Variants in GSE1 observed in about 807,000 individuals in gnomAD.
GSE1 encodes the protein genetic suppressor element 1.
A neutral mutation model predicts 112.6 loss-of-function variants in GSE1; 32 were observed. The observed-to-expected ratio is 0.28, with a 90% CI of 0.21 to 0.38. The LOEUF (loss-of-function observed/expected upper bound fraction) is 0.38. GSE1 is among the 10% of genes least tolerant of loss of function. GSE1 has a pLI of 1.00. For synonymous variants in GSE1, 1,115 were observed against 735.6 expected (o/e 1.52, Z -8.35); for missense variants, 2,348 against 1,699.2 (o/e 1.38, Z -6.71).
At chr16:85,246,334 C>G (rs1465833229) in intron 1 of GSE1, among the ~76,000 whole-genome samples, 2 of 28,108 alleles carry the variant, frequency 7.1e-5, no homozygotes, top group African/African-American at 2.7e-4. Context: ...CACACACACC[C>G]CCCACACGCT....
At position 85,311,539 on chromosome 16, in the gene GSE1, T is replaced by C. The variant is rs1043407760; in HGVS notation, c.2284-45924T>C. On this transcript the variant is annotated intron_variant, in intron 1 of 2. Transcript: ENST00000637419. This position sits in a 1 kb window ranked among gnomAD's most constrained non-coding sequence, Gnocchi z 4.2. ...GGGAGGGAAGGAGGTGCCGGGGTGC[T>C]CACCTTCCCCGAGGCTTTGTTTCCG... 3.3e-5 allele frequency among the ~76,000 whole-genome samples: 5 copies of C among 152,034 alleles called. No homozygotes were observed. Among genetic ancestry groups the C allele is most frequent in the Admixed American group, 1.3e-4 (2 of 15,270 alleles).
At chr16:85,502,409 G>A (rs952353288) in intron 2 of GSE1, among the ~76,000 whole-genome samples, 1 of 152,186 alleles carries the variant, frequency 6.6e-6, no homozygotes. Context: ...CCAGGAGGGA[G>A]GAAGCAGGAC....
chr16:85,441,313 C>A (rs2049370605), intron 2 of GSE1, among the ~76,000 whole-genome samples: 1 of 152,174 alleles, frequency 6.6e-6, no homozygotes, highest in Non-Finnish European at 1.5e-5. Flanking sequence ...CGCTGGGGGG[C>A]ACAGTCACCT....
upstream of GSE1, among the ~76,000 whole-genome samples, chr16:85,612,910 G>GTGGCTGCT (rs139197793): frequency 0.046 from 7,040 of 152,310 alleles, 510 homozygotes; most frequent in African/African-American, 0.15. Flanking sequence ...CGAGGGTGCT[G>GTGGCTGCT]CACTACTTTA....
chr16:85,287,354 A>C (rs2045063982), intron 1 of GSE1, among the ~76,000 whole-genome samples: 1 of 152,068 alleles, frequency 6.6e-6, no homozygotes, highest in South Asian at 2.1e-4. Flanking sequence ...CAGCCACCCC[A>C]GGGTTTTGTG....
At position 85,382,873 on chromosome 16, in the gene GSE1, GCACA is replaced by G. The variant is rs907305667; in HGVS notation, c.2464+25236_2464+25239del. On this transcript the variant is annotated intron_variant, in intron 2 of 2. Transcript: ENST00000637419. ...ATACATGTGCACACACAGCACACAT[GCACA>G]CACACCGTGCACACACACGCATACA... 2.7e-5 allele frequency among the ~76,000 whole-genome samples: 4 copies of G among 147,544 alleles called. No individual in the cohort carries two copies. The East Asian group carries it at 7.8e-4, about 29-fold the overall frequency.
chr16:85,652,816 TTG>T (rs1363265520), intron 3 of GSE1, among the ~76,000 whole-genome samples: 1 of 152,160 alleles, frequency 6.6e-6, no homozygotes, highest in Admixed American at 6.5e-5. Flanking sequence ...CCTGCTGATC[TTG>T]TGGGGAGACG....
At chr16:85,526,879 A>G (rs1156946303) in intron 2 of GSE1, among the ~76,000 whole-genome samples, 1 of 152,248 alleles carries the variant, frequency 6.6e-6, no homozygotes, top group Non-Finnish European at 1.5e-5. Flanking sequence ...ATAAAGAACT[A>G]AACATGGCCA....
intron 2 of GSE1, among the ~76,000 whole-genome samples, chr16:85,418,577 C>T (rs2048756129): frequency 6.6e-6 from 1 of 152,242 alleles, no homozygotes; most frequent in Non-Finnish European, 1.5e-5. Flanking sequence ...CTCCCAGGAG[C>T]CAGACCCAGC....
intron 1 of GSE1, chr16:85,595,732 C>T (rs1422489668): frequency 6.6e-6 from 1 of 151,688 alleles, no homozygotes. Flanking sequence ...ATTCCTCTCT[C>T]TATCCCCACA....
At chr16:85,470,506 G>A (rs1299349353) in intron 2 of GSE1, among the ~76,000 whole-genome samples, 1 of 152,226 alleles carries the variant, frequency 6.6e-6, no homozygotes, top group East Asian at 1.9e-4. Flanking sequence ...TGCTCTATGT[G>A]TGGCTTCTTG....
chr16:85,423,819 G>A (rs1012326854), intron 2 of GSE1, among the ~76,000 whole-genome samples: 1 of 152,208 alleles, frequency 6.6e-6, no homozygotes, highest in Non-Finnish European at 1.5e-5. Context: ...CTCTCCCCAC[G>A]GTCCTGGCCT....
intron 2 of GSE1, among the ~76,000 whole-genome samples, chr16:85,467,180 CA>C (rs1241355510): frequency 4.3e-4 from 65 of 152,344 alleles, no homozygotes; most frequent in African/African-American, 1.3e-3. Context: ...CCCGCGTCTT[CA>C]CCCTTGCCTG....
At chr16:85,363,040 T>G (rs939498353) in intron 2 of GSE1, among the ~76,000 whole-genome samples, 2 of 152,152 alleles carry the variant, frequency 1.3e-5, no homozygotes, top group African/African-American at 4.8e-5. Flanking sequence ...TTTCACCATG[T>G]TGCCCAGGGT....
intron 2 of GSE1, among the ~76,000 whole-genome samples, chr16:85,533,221 T>C (rs11641376): frequency 6.6e-6 from 1 of 150,830 alleles, no homozygotes; most frequent in Non-Finnish European, 1.5e-5. Context: ...GAGACCAGCC[T>C]GACCATGGCG....
intron 1 of GSE1, among the ~76,000 whole-genome samples, chr16:85,627,160 A>G (rs1481249716): frequency 1.0e-5 from 1 of 96,366 alleles, no homozygotes; most frequent in East Asian, 3.6e-4. Flanking sequence ...GTGCTTTGTT[A>G]CGGGGGGCGG....
At position 85,229,858 on chromosome 16, in the gene GSE1, G is replaced by A. The variant is rs767200372; in HGVS notation, c.2283+58051G>A. ...GGCTCCAAACATCACATTCTCACAC[G>A]ATAGCATCCAAAAGCAGGGTGAGAA... is the stretch of plus-strand genomic sequence containing the variant. On this transcript the variant is annotated intron_variant, in intron 1 of 2. Coordinates refer to the GSE1 transcript ENST00000637419. Among the ~76,000 whole-genome samples, 16 of 152,326 alleles carry A rather than the reference G, an allele frequency of 1.1e-4. No homozygotes were observed. The South Asian group carries it at 2.1e-3, about 20-fold the overall frequency.
At chr16:85,611,623 G>A, upstream of GSE1, 2 of 384,410 alleles carry the variant, frequency 5.2e-6, no homozygotes, top group Non-Finnish European at 7.1e-6. Context: ...GCGGGGGGCC[G>A]GCCCGCGTGC....
At chr16:85,203,609 A>G (rs2075066983) in intron 1 of GSE1, among the ~76,000 whole-genome samples, 1 of 152,224 alleles carries the variant, frequency 6.6e-6, no homozygotes. Context: ...ACAGATAGGC[A>G]GCCAAGGCCA....
Sources: gnomAD v4.1 joint callset for allele counts (sites outside exome capture counted in the v4.1 genomes callset) on GRCh38, gnomAD v4.1.1 for gene constraint, Gnocchi (gnomAD v3.1) non-coding constraint, MANE v1.5 for transcripts, NCBI Gene and HGNC (gene_info 2026-07-23, HGNC 2026-07-21) for gene names.